The following FANCL variants were observed in gnomAD, a reference collection of about 807,000 sequenced individuals.
FANCL encodes the protein FA complementation group L.
Under a neutral mutation model 59.4 loss-of-function variants are expected in FANCL, and 69 were observed. The ratio of observed to expected loss-of-function variants is 1.16; its 90% CI spans 0.96 to 1.42. The LOEUF (loss-of-function observed/expected upper bound fraction) is 1.42. Ranked by LOEUF, FANCL falls within the 40% of genes most tolerant of loss-of-function variation. The probability of loss-of-function intolerance (pLI) is 0.00; values close to 1 mark genes in which losing one functional copy is unlikely to be tolerated. For missense variants in FANCL, 519 were observed against 447.2 expected (o/e 1.16, Z -1.45); for synonymous variants, 180 against 147.1 (o/e 1.22, Z -1.62).
At chr2:58,177,072 C>G (rs1327545908) in intron 7 of FANCL, among the ~76,000 whole-genome samples, 1 of 152,126 alleles carries the variant, frequency 6.6e-6, no homozygotes, top group Admixed American at 6.5e-5. Flanking sequence ...AAATCAAAAC[C>G]ACAACGAGAT....
chr2:58,237,349 G>A (rs1334371738), intron 1 of FANCL, among the ~76,000 whole-genome samples: 1 of 151,962 alleles, frequency 6.6e-6, no homozygotes, highest in Non-Finnish European at 1.5e-5. Flanking sequence ...TATTGAGAAA[G>A]ATAATCATAA....
At chr2:58,210,990 G>A (rs916926925) in intron 5 of FANCL, among the ~76,000 whole-genome samples, 2 of 152,178 alleles carry the variant, frequency 1.3e-5, no homozygotes, top group Admixed American at 1.3e-4. Context: ...CAGTGTGCAA[G>A]CTGTCAGTGG....
intron 5 of FANCL, among the ~76,000 whole-genome samples, chr2:58,219,845 G>C (rs1253583563): frequency 6.6e-6 from 1 of 152,136 alleles, no homozygotes; most frequent in African/African-American, 2.4e-5. Context: ...TCTAGCATCT[G>C]AAACAGAATA....
In FANCL at chr2:58,159,522, A is replaced by C. The variant is rs778820117; in HGVS notation, c.*243T>G. ...AGTCAAGATCTCCATCTTGGTATAA[A>C]TACACTTCCACAGTCAGCACGGGGA... is the stretch of plus-strand genomic sequence containing the variant. On this transcript the variant is annotated 3_prime_UTR_variant, in exon 14 of 14. Transcript: ENST00000233741. 6.2e-7 allele frequency: 1 copy of C among 1,613,770 alleles called. No homozygotes were observed. Among genetic ancestry groups the C allele is most frequent in the South Asian group, 1.1e-5 (1 of 91,068 alleles).
chr2:58,222,053 G>A lies in FANCL; in HGVS notation c.274-11C>T, dbSNP rs762818038. 6.3e-7 allele frequency: 1 copy of A among 1,592,564 alleles called. No individual in the cohort carries two copies. The highest frequency in any genetic ancestry group is 8.6e-7 in the Non-Finnish European group (1 of 1,160,730). ...CTTTAAGGCAACTTCCTGTTTAAAA[G>A]AAGAAAACCTGAATTAGCTGTGGAA... On this transcript the variant is annotated splice_polypyrimidine_tract_variant and intron_variant, in intron 4 of 13. Transcript: ENST00000233741.
chr2:58,195,464 A>G (rs910603352), intron 7 of FANCL, among the ~76,000 whole-genome samples: 3 of 152,200 alleles, frequency 2.0e-5, no homozygotes, highest in Admixed American at 2.0e-4. Flanking sequence ...TCATACTTAA[A>G]TACTTAAATA....
At chr2:58,168,879 T>C (rs1447830076) in intron 7 of FANCL, among the ~76,000 whole-genome samples, 2 of 152,128 alleles carry the variant, frequency 1.3e-5, no homozygotes, top group East Asian at 3.9e-4. Flanking sequence ...AAAGCCTCTG[T>C]AGCCAGACTG....
At chr2:58,208,085 T>G (rs760593303) in intron 5 of FANCL, among the ~76,000 whole-genome samples, 15 of 152,256 alleles carry the variant, frequency 9.9e-5, no homozygotes, top group Non-Finnish European at 1.9e-4. Context: ...CTATGTTAAG[T>G]TGGACGTCTC....
chr2:58,196,877 ATTT>A (rs1023617870), intron 7 of FANCL, among the ~76,000 whole-genome samples: 4 of 151,862 alleles, frequency 2.6e-5, no homozygotes, highest in Non-Finnish European at 5.9e-5. Context: ...TAGCTATAAT[ATTT>A]TCTCATGATC....
At position 58,159,677 on chromosome 2, in the gene FANCL, CTTTAT is replaced by C. The variant is rs757733149; in HGVS notation, c.*83_*87del. The C allele has an allele frequency of 8.1e-6, 13 of 1,612,572 alleles. No individual in the cohort carries two copies. The highest frequency in any genetic ancestry group is 1.1e-5 in the Non-Finnish European group (13 of 1,179,380). ...GTCCTTTTGATGTTAGTATTTCTTG[CTTTAT>C]TTTTTCTCTGAAGATGATACCAAAA... On this transcript the variant is annotated 3_prime_UTR_variant, in exon 14 of 14. Transcript: ENST00000233741.
intron 7 of FANCL, among the ~76,000 whole-genome samples, chr2:58,185,577 T>C (rs966402141): frequency 4.6e-5 from 7 of 152,170 alleles, no homozygotes; most frequent in Admixed American, 3.3e-4. Flanking sequence ...GCACCATCAG[T>C]TGCTTTTGGC....
chr2:58,235,882 T>C (rs1358831557), intron 1 of FANCL, among the ~76,000 whole-genome samples: 1 of 151,884 alleles, frequency 6.6e-6, no homozygotes, highest in Non-Finnish European at 1.5e-5. Flanking sequence ...CAACAGCAGA[T>C]TCCACCTTAC....
At chr2:58,199,229 T>A (rs1284493342) in intron 6 of FANCL, among the ~76,000 whole-genome samples, 1 of 152,134 alleles carries the variant, frequency 6.6e-6, no homozygotes, top group African/African-American at 2.4e-5. Flanking sequence ...ATGAATTAAG[T>A]CAGCGTTGTG....
At chr2:58,194,386 T>TA (rs764207302) in intron 7 of FANCL, 2 of 446,086 alleles carry the variant, frequency 4.5e-6, no homozygotes, top group Non-Finnish European at 9.2e-6. Flanking sequence ...GACCTGTATG[T>TA]AAAATTCTAA....
intron 4 of FANCL, 47 bp from the exon 5 acceptor site, chr2:58,222,089 T>C: frequency 7.5e-7 from 1 of 1,331,472 alleles, no homozygotes. Flanking sequence ...CGCAAGACAA[T>C]GAACTGTTAA....
At chr2:58,233,069 A>T (rs1456999585) in intron 1 of FANCL, among the ~76,000 whole-genome samples, 6 of 152,048 alleles carry the variant, frequency 3.9e-5, no homozygotes, top group Admixed American at 1.3e-4. Flanking sequence ...AATGTCCTTT[A>T]AAAAAATGAA....
chr2:58,164,860 T>C (rs2104809851), intron 8 of FANCL, among the ~76,000 whole-genome samples: 1 of 152,222 alleles, frequency 6.6e-6, no homozygotes, highest in South Asian at 2.1e-4. Context: ...TTTGTAGAAC[T>C]GCTGTAAACT....
intron 7 of FANCL, among the ~76,000 whole-genome samples, chr2:58,182,972 T>C (rs1688068618): frequency 6.6e-6 from 1 of 151,826 alleles, no homozygotes; most frequent in South Asian, 2.1e-4. Context: ...GAAATAGTGT[T>C]AATCCTCACA....
chr2:58,170,721 A>G (rs1313197744), intron 7 of FANCL, among the ~76,000 whole-genome samples: 1 of 152,144 alleles, frequency 6.6e-6, no homozygotes, highest in Non-Finnish European at 1.5e-5. Flanking sequence ...ATGGTTTGCA[A>G]TACCAGTATC....
Sources: gnomAD v4.1 joint callset for allele counts (sites outside exome capture counted in the v4.1 genomes callset) on GRCh38, gnomAD v4.1.1 for gene constraint, MANE v1.5 for transcripts, NCBI Gene and HGNC (gene_info 2026-07-23, HGNC 2026-07-21) for gene names.